XRCC4: variants seen among roughly 807,000 people sequenced by gnomAD.
XRCC4 encodes the protein DNA repair protein XRCC4.
In XRCC4, 28 loss-of-function variants were observed where a neutral mutation model predicts 39.1. The observed-to-expected ratio is 0.72, with a 90% CI of 0.53 to 0.98. The LOEUF is 0.98. XRCC4 is among the 50% of genes least tolerant of loss of function. XRCC4 has a pLI of 0.00. For synonymous variants in XRCC4, 123 were observed against 126.4 expected, an observed-to-expected ratio of 0.97 and a Z score of 0.18; for missense variants, 350 against 376.4, an observed-to-expected ratio of 0.93 and a Z score of 0.58.
At chr5:83,280,094 G>A in intron 7 of XRCC4, 1 of 204,446 alleles carries the variant, frequency 4.9e-6, no homozygotes, top group Non-Finnish European at 1.1e-5. Context: ...AAAATCAGAG[G>A]TACACATTTT....
downstream of XRCC4, among the ~76,000 whole-genome samples, chr5:83,355,329 T>C: frequency 6.6e-6 from 1 of 152,168 alleles, no homozygotes; most frequent in East Asian, 1.9e-4. Context: ...GAATTACTTT[T>C]TCATGTCTCC....
intron 1 of XRCC4, among the ~76,000 whole-genome samples, chr5:83,078,124 G>A (rs1744754527): frequency 6.6e-6 from 1 of 152,248 alleles, no homozygotes; most frequent in Non-Finnish European, 1.5e-5. Context: ...GCGGACTGCA[G>A]CGATTGATTA....
intron 6 of XRCC4, among the ~76,000 whole-genome samples, chr5:83,217,455 T>G (rs1411817375): frequency 6.6e-6 from 1 of 151,930 alleles, no homozygotes; most frequent in Admixed American, 6.6e-5. Flanking sequence ...AAAGTGCAAG[T>G]TTCATTCAAG....
At chr5:83,134,049 C>T (rs375418667) in intron 3 of XRCC4, among the ~76,000 whole-genome samples, 3 of 152,312 alleles carry the variant, frequency 2.0e-5, no homozygotes, top group East Asian at 1.9e-4. Flanking sequence ...TCTTCACGGC[C>T]GGCTAGCTCC....
At chr5:83,107,640 G>A (rs72767127) in intron 2 of XRCC4, among the ~76,000 whole-genome samples, 5,926 of 151,846 alleles carry the variant, frequency 0.039, 194 homozygotes, top group South Asian at 0.15. Flanking sequence ...GTTAATGATC[G>A]ATGACTCTGA....
chr5:83,250,999 T>C (rs1753287551), intron 6 of XRCC4, among the ~76,000 whole-genome samples: 1 of 152,210 alleles, frequency 6.6e-6, no homozygotes, highest in Admixed American at 6.5e-5. Flanking sequence ...TAGTTGTGTC[T>C]TTCTGTCCTA....
At chr5:83,246,227 G>A (rs1312063270) in intron 6 of XRCC4, among the ~76,000 whole-genome samples, 1 of 151,878 alleles carries the variant, frequency 6.6e-6, no homozygotes, top group Non-Finnish European at 1.5e-5. Flanking sequence ...TTCCAGCTGT[G>A]TTATGTTAAC....
intron 7 of XRCC4, among the ~76,000 whole-genome samples, chr5:83,316,308 C>T (rs1003582109): frequency 1.3e-5 from 2 of 152,066 alleles, no homozygotes; most frequent in Admixed American, 6.6e-5. Context: ...CGAGCAAAAT[C>T]ACCAGCTAAC....
chr5:83,193,100 T>C (rs1750785209), intron 3 of XRCC4, among the ~76,000 whole-genome samples: 1 of 152,146 alleles, frequency 6.6e-6, no homozygotes, highest in Non-Finnish European at 1.5e-5. Context: ...ATTTTATACT[T>C]CTCAACTCAT....
chr5:83,282,827 G>A (rs905477764), intron 7 of XRCC4, among the ~76,000 whole-genome samples: 6 of 151,928 alleles, frequency 3.9e-5, no homozygotes, highest in Non-Finnish European at 5.9e-5. Context: ...GGGCGACAGA[G>A]CAAGACTCCA....
At chr5:83,192,818 T>C (rs772019844) in intron 3 of XRCC4, among the ~76,000 whole-genome samples, 1 of 152,160 alleles carries the variant, frequency 6.6e-6, no homozygotes, top group Non-Finnish European at 1.5e-5. Context: ...TCAAAATGTC[T>C]TTTATATGTG....
At chr5:83,213,984 A>G (rs1327111591) in intron 6 of XRCC4, among the ~76,000 whole-genome samples, 1 of 152,196 alleles carries the variant, frequency 6.6e-6, no homozygotes, top group East Asian at 1.9e-4. Flanking sequence ...AGATGCTGAA[A>G]AGGTACGTGA....
chr5:83,258,305 G>A (rs1256450800), intron 6 of XRCC4, among the ~76,000 whole-genome samples: 1 of 152,064 alleles, frequency 6.6e-6, no homozygotes, highest in African/African-American at 2.4e-5. Flanking sequence ...AGATCATTTT[G>A]ATCAAATTAT....
chr5:83,296,864 A>T (rs911299808), intron 7 of XRCC4, among the ~76,000 whole-genome samples: 2 of 151,998 alleles, frequency 1.3e-5, no homozygotes, highest in Non-Finnish European at 2.9e-5. Flanking sequence ...ATTTGAGTCT[A>T]AACAGAATAG....
At chr5:83,186,467 T>G (rs899647307) in intron 3 of XRCC4, among the ~76,000 whole-genome samples, 1 of 152,190 alleles carries the variant, frequency 6.6e-6, no homozygotes, top group Non-Finnish European at 1.5e-5. Flanking sequence ...GCACATCACC[T>G]TCTTACTGTG....
At chr5:83,104,488 GT>G (rs532514624) in intron 1 of XRCC4, among the ~76,000 whole-genome samples, 2 of 150,554 alleles carry the variant, frequency 1.3e-5, no homozygotes, top group South Asian at 2.1e-4. Flanking sequence ...ATAATTTTTT[GT>G]TTTTTTTTAG....
chr5:83,091,068 A>C (rs1745404183), intron 1 of XRCC4, among the ~76,000 whole-genome samples: 1 of 152,218 alleles, frequency 6.6e-6, no homozygotes, highest in Non-Finnish European at 1.5e-5. Flanking sequence ...TATGTTCAGC[A>C]TGCTGTACAA....
At chr5:83,362,249 G>A in the XRCC4 span, among the ~76,000 whole-genome samples, 6 of 113,680 alleles carry the variant, frequency 5.3e-5, no homozygotes, top group East Asian at 8.4e-4. Context: ...TATAAGAAGC[G>A]AAGAATTTTA....
chr5:83,134,947 C>T (rs1747815421), intron 3 of XRCC4, among the ~76,000 whole-genome samples: 1 of 152,112 alleles, frequency 6.6e-6, no homozygotes, highest in Non-Finnish European at 1.5e-5. Flanking sequence ...GACCACGAAC[C>T]CACCAGAAGG....
Sources: allele counts gnomAD v4.1 joint callset (sites outside exome capture counted in the v4.1 genomes callset), GRCh38; gene constraint gnomAD v4.1.1; transcripts MANE v1.5; gene names NCBI Gene and HGNC (gene_info 2026-07-23, HGNC 2026-07-21).